Variants in IPPK observed in about 807,000 individuals in gnomAD.
IPPK encodes inositol-pentakisphosphate 2-kinase.
Under a neutral mutation model 64.6 loss-of-function variants are expected in IPPK, and 22 were observed. The observed-to-expected ratio is 0.34, with a 90% CI of 0.24 to 0.49. The LOEUF is 0.49. Ranked by LOEUF, IPPK falls within the 20% of genes least tolerant of loss-of-function variation. IPPK has a pLI of 0.99. For missense variants in IPPK, 532 were observed against 630.7 expected, an observed-to-expected ratio of 0.84 and a Z score of 1.68; for synonymous variants, 262 against 247.2, an observed-to-expected ratio of 1.06 and a Z score of -0.56.
intron 12 of IPPK, chr9:92,616,864 G>C (rs533694239): frequency 6.6e-6 from 1 of 152,358 alleles, no homozygotes; most frequent in East Asian, 1.9e-4. Context: ...TTCAGTCCAA[G>C]AGAAGTATCC....
intron 11 of IPPK, among the ~76,000 whole-genome samples, chr9:92,621,262 G>C (rs1851619567): frequency 6.6e-6 from 1 of 152,070 alleles, no homozygotes; most frequent in Non-Finnish European, 1.5e-5. Flanking sequence ...GAGAGGGAGA[G>C]AAATCAAATA....
intron 5 of IPPK, 100 bp from the exon 6 acceptor site, chr9:92,648,248 A>G: frequency 1.1e-6 from 1 of 876,720 alleles, no homozygotes; most frequent in Non-Finnish European, 1.8e-6. Flanking sequence ...GCAGCAAGAT[A>G]ATTAGGCATA....
chr9:92,642,979 G>A (rs984345537), intron 6 of IPPK, among the ~76,000 whole-genome samples, 169 bp from the exon 7 acceptor site: 11 of 152,256 alleles, frequency 7.2e-5, no homozygotes, highest in African/African-American at 2.7e-4. Context: ...AGTGGCGGAG[G>A]GAGCCACTTG....
At chr9:92,666,906 G>T (rs16908487) in intron 1 of IPPK, among the ~76,000 whole-genome samples, 1 of 151,968 alleles carries the variant, frequency 6.6e-6, no homozygotes, top group Admixed American at 6.6e-5. Context: ...CAAGTCCTGC[G>T]CTGCACAGAA....
intron 8 of IPPK, 114 bp downstream of exon 8, chr9:92,640,596 G>C (rs1245832432): frequency 1.3e-6 from 1 of 770,248 alleles, no homozygotes; most frequent in Non-Finnish European, 2.4e-6. Context: ...GGACCCCAAA[G>C]GGGATGTCAG....
At chr9:92,650,696 C>T (rs1234187807) in intron 4 of IPPK, among the ~76,000 whole-genome samples, 4 of 152,168 alleles carry the variant, frequency 2.6e-5, no homozygotes, top group Non-Finnish European at 5.9e-5. Context: ...TATGTTGGTC[C>T]TTCTAGCGTA....
chr9:92,661,192 T>C (rs1264319277), intron 1 of IPPK, among the ~76,000 whole-genome samples: 1 of 152,218 alleles, frequency 6.6e-6, no homozygotes, highest in African/African-American at 2.4e-5. Context: ...GAAGTGAGAC[T>C]GCACAAGGGC....
chr9:92,615,961 G>A lies in IPPK; in HGVS notation c.1347C>T (p.Pro449=), dbSNP rs759398242. The A allele has an allele frequency of 1.2e-6, 2 of 1,614,086 alleles. No individual in the cohort carries two copies. Among genetic ancestry groups the A allele is most frequent in the Non-Finnish European group, 1.7e-6 (2 of 1,179,996 alleles). The change falls in exon 13 of 13, where the codon CCC becomes CCT. Residue 449 remains proline, a synonymous_variant. Coordinates refer to ENST00000287996, the MANE Select transcript of IPPK (RefSeq NM_022755.6). ...TCTTGCCGTCCAGTTTATACTGATG[G>A]GGAATGCTCTCGTAGGGCTTGAGGT... is the stretch of plus-strand genomic sequence containing the variant. ...DLDLKPYESI[P]HQYKLDGKIV... is the part of the protein sequence containing the mutation.
chr9:92,650,100 G>A (rs1273977210), intron 4 of IPPK, among the ~76,000 whole-genome samples: 1 of 151,326 alleles, frequency 6.6e-6, no homozygotes, highest in Non-Finnish European at 1.5e-5. Flanking sequence ...TAAGTGGGCA[G>A]ATCATGAGGT....
At chr9:92,660,313 C>G (rs572708790) in intron 1 of IPPK, among the ~76,000 whole-genome samples, 42 of 152,256 alleles carry the variant, frequency 2.8e-4, no homozygotes, top group African/African-American at 9.6e-4. Flanking sequence ...TGAAAATCAA[C>G]ACAATAAGAA....
intron 1 of IPPK, among the ~76,000 whole-genome samples, chr9:92,658,916 T>G (rs561844721): frequency 3.9e-5 from 6 of 152,366 alleles, no homozygotes; most frequent in Non-Finnish European, 4.4e-5. Flanking sequence ...CCCAGGACTT[T>G]ATCTTAAGGA....
At position 92,669,883 on chromosome 9, in the gene IPPK, C is replaced by G. The variant is rs374065863; in HGVS notation, c.81+25G>C. On this transcript the variant is annotated intron_variant, in intron 1 of 12. Coordinates refer to ENST00000287996, the MANE Select transcript of IPPK (RefSeq NM_022755.6). ...CCGGCCGTCGGAGTGAGGTACCGGACCTGCGCCGCACGTCCACCGCTCACC... is the reference window on the plus strand; with the variant it reads ...CCGGCCGTCGGAGTGAGGTACCGGAGCTGCGCCGCACGTCCACCGCTCACC... 7 of 1,587,202 alleles carry G rather than the reference C, an allele frequency of 4.4e-6. No homozygotes were observed. The African/African-American group carries it at 6.8e-5, about 15-fold the overall frequency.
chr9:92,615,304 G>A lies in IPPK; in HGVS notation c.*528C>T, dbSNP rs1851398762. 1.2e-5 allele frequency: 2 copies of A among 162,570 alleles called. No individual in the cohort carries two copies. The highest frequency in any genetic ancestry group is 6.0e-5 in the Admixed American group (1 of 16,714). 10.1% of individuals were successfully genotyped at this position (162,570 alleles called of 1,614,324 possible). On this transcript the variant is annotated 3_prime_UTR_variant, in exon 13 of 13. Coordinates refer to ENST00000287996, the MANE Select transcript of IPPK (RefSeq NM_022755.6). ...AGAATCGGCATCTGCGCGACCACGA[G>A]GTCACGCTGTGCAGCAGGGAACCAC...
intron 1 of IPPK, among the ~76,000 whole-genome samples, chr9:92,668,416 A>T (rs1180905254): frequency 6.6e-6 from 1 of 152,212 alleles, no homozygotes; most frequent in Non-Finnish European, 1.5e-5. Context: ...TGCCAGAGGC[A>T]ACTGCGTCAA....
intron 1 of IPPK, among the ~76,000 whole-genome samples, chr9:92,659,912 T>A (rs1036496397): frequency 1.3e-5 from 2 of 151,982 alleles, no homozygotes; most frequent in African/African-American, 4.8e-5. Context: ...CAGATAGCTG[T>A]CCCCTCCTTA....
chr9:92,651,235 C>T (rs1852260879), intron 4 of IPPK, among the ~76,000 whole-genome samples: 5 of 152,214 alleles, frequency 3.3e-5, no homozygotes. Flanking sequence ...AAATTTTATA[C>T]TGGCTAATTC....
intron 1 of IPPK, among the ~76,000 whole-genome samples, chr9:92,659,496 T>C (rs1437950377): frequency 6.6e-6 from 1 of 152,230 alleles, no homozygotes; most frequent in Admixed American, 6.5e-5. Flanking sequence ...TTTATCTTTA[T>C]TTTGAATATT....
intron 9 of IPPK, among the ~76,000 whole-genome samples, chr9:92,637,325 T>C (rs1210989849): frequency 2.0e-5 from 3 of 151,958 alleles, no homozygotes; most frequent in East Asian, 1.9e-4. Context: ...AAAGAAAAAA[T>C]TGGCACAGAT....
chr9:92,622,583 A>G (rs1403989545), intron 11 of IPPK, among the ~76,000 whole-genome samples: 1 of 151,384 alleles, frequency 6.6e-6, no homozygotes, highest in African/African-American at 2.4e-5. Flanking sequence ...TCTGAAGAGA[A>G]CCATAAAACA....
Sources: allele counts gnomAD v4.1 joint callset (sites outside exome capture counted in the v4.1 genomes callset), GRCh38; gene constraint gnomAD v4.1.1; transcripts MANE v1.5; gene names NCBI Gene and HGNC (gene_info 2026-07-23, HGNC 2026-07-21).